Variants in SGMS2 observed in about 807,000 individuals in gnomAD.
SGMS2 encodes the protein sphingomyelin synthase 2.
SGMS2 carries 21 observed loss-of-function variants against 43.8 expected under a neutral mutation model. The observed-to-expected ratio is 0.48, with a 90% confidence interval of 0.34 to 0.69. The LOEUF (loss-of-function observed/expected upper bound fraction) is 0.69. Among genes scored for constraint, SGMS2 ranks in the 30% least tolerant of loss-of-function variants. SGMS2 has a pLI of 0.01. For synonymous variants in SGMS2, 167 were observed against 160.6 expected (o/e 1.04, Z -0.30); for missense variants, 384 against 443.2 (o/e 0.87, Z 1.20).
chr4:107,869,895 G>T (rs1728428961), intron 2 of SGMS2, among the ~76,000 whole-genome samples: 1 of 152,132 alleles, frequency 6.6e-6, no homozygotes, highest in Non-Finnish European at 1.5e-5. Flanking sequence ...GGGTCATAGG[G>T]AGCCATTTAA....
chr4:107,877,382 C>T (rs1728989011), intron 2 of SGMS2, among the ~76,000 whole-genome samples: 1 of 152,010 alleles, frequency 6.6e-6, no homozygotes, highest in Non-Finnish European at 1.5e-5. Context: ...TAAATTAAAC[C>T]CTGAGGTATT....
intron 2 of SGMS2, among the ~76,000 whole-genome samples, chr4:107,880,919 A>G (rs1729288894): frequency 6.6e-6 from 1 of 151,976 alleles, no homozygotes; most frequent in South Asian, 2.1e-4. Flanking sequence ...GGTATTTAGG[A>G]AAAACTTTAT....
At chr4:107,907,428 A>G (rs1237723870) in intron 5 of SGMS2, 2 of 152,240 alleles carry the variant, frequency 1.3e-5, no homozygotes, top group African/African-American at 2.4e-5. Context: ...CCTGGCCAAC[A>G]TGGTGAAACC....
intron 1 of SGMS2, among the ~76,000 whole-genome samples, chr4:107,832,581 T>C (rs1268841356): frequency 6.6e-6 from 1 of 152,250 alleles, no homozygotes; most frequent in Admixed American, 6.5e-5. Flanking sequence ...TTGTGGAATC[T>C]AGCATGTTTC....
intron 3 of SGMS2, among the ~76,000 whole-genome samples, chr4:107,898,420 A>G (rs1730849458): frequency 6.6e-6 from 1 of 152,214 alleles, no homozygotes; most frequent in Admixed American, 6.5e-5. Flanking sequence ...TCTTAGGGAA[A>G]ACTTAAAATA....
intron 2 of SGMS2, among the ~76,000 whole-genome samples, chr4:107,877,745 C>G (rs1439257204): frequency 6.6e-6 from 1 of 152,046 alleles, no homozygotes; most frequent in Non-Finnish European, 1.5e-5. Flanking sequence ...ATAGGGACTT[C>G]CTTTGTTCAT....
Position 107,908,647 on chromosome 4 carries a change from C to T in SGMS2, c.810C>T (p.His270=), listed in dbSNP as rs1182189065. Residue 270 remains histidine, a synonymous_variant, in exon 6 of 7, where the codon CAC becomes CAT. Transcript: ENST00000690982. ...AAGIICILVA[H]EHYTIDVIIA... is the part of the protein sequence containing the mutation. The stretch of plus-strand genomic sequence containing the variant: ...GGATCATCTGCATTCTTGTAGCACA[C>T]GAACACTACACTATCGATGTGATCA... The T allele has an allele frequency of 5.6e-6, 9 of 1,613,718 alleles. No individual in the cohort carries two copies. Among genetic ancestry groups the T allele is most frequent in the South Asian group, 2.2e-5 (2 of 91,078 alleles).
At chr4:107,839,139 T>C (rs911356278) in intron 1 of SGMS2, among the ~76,000 whole-genome samples, 14 of 152,166 alleles carry the variant, frequency 9.2e-5, no homozygotes, top group Non-Finnish European at 8.8e-5. Context: ...AACTCCATCT[T>C]TCCCCCACCT....
intron 3 of SGMS2, among the ~76,000 whole-genome samples, chr4:107,898,231 C>T (rs1050593048): frequency 6.7e-6 from 1 of 150,144 alleles, no homozygotes; most frequent in Non-Finnish European, 1.5e-5. Context: ...AATAAATACT[C>T]TCATCTACTA....
chr4:107,844,874 C>A (rs1387233126), intron 1 of SGMS2, among the ~76,000 whole-genome samples: 1 of 151,998 alleles, frequency 6.6e-6, no homozygotes, highest in Admixed American at 6.5e-5. Context: ...CTTTCAGGTG[C>A]TGATTGATGT....
chr4:107,851,477 A>G (rs73838247), intron 1 of SGMS2, among the ~76,000 whole-genome samples: 6,220 of 152,240 alleles, frequency 0.041, 408 homozygotes, highest in African/African-American at 0.14. Flanking sequence ...TAGAAAGCTG[A>G]AGGGCACTGC....
intron 1 of SGMS2, among the ~76,000 whole-genome samples, chr4:107,847,558 G>A (rs1161934182): frequency 1.3e-5 from 2 of 152,002 alleles, no homozygotes; most frequent in Non-Finnish European, 2.9e-5. Flanking sequence ...GATGCCTCCA[G>A]CTTTGTTCTT....
intron 1 of SGMS2, among the ~76,000 whole-genome samples, chr4:107,855,714 A>G (rs1727384565): frequency 6.6e-6 from 1 of 152,134 alleles, no homozygotes; most frequent in South Asian, 2.1e-4. Context: ...TTTGGTCTAG[A>G]GTATAGTTTA....
intron 2 of SGMS2, among the ~76,000 whole-genome samples, chr4:107,869,826 T>A (rs1728421749): frequency 2.0e-5 from 3 of 152,174 alleles, no homozygotes; most frequent in Non-Finnish European, 4.4e-5. Flanking sequence ...CTACTTTCAT[T>A]ATGTTTGAGA....
intron 1 of SGMS2, among the ~76,000 whole-genome samples, chr4:107,831,494 G>C (rs1725889589): frequency 6.6e-6 from 1 of 152,126 alleles, no homozygotes; most frequent in African/African-American, 2.4e-5. Context: ...CGAATTACAT[G>C]GCTCCCTGTG....
intron 1 of SGMS2, among the ~76,000 whole-genome samples, chr4:107,852,354 T>A (rs1008315463): frequency 2.6e-5 from 4 of 152,076 alleles, no homozygotes; most frequent in African/African-American, 9.7e-5. Context: ...AATAATTTTT[T>A]AAAAAAGAAT....
chr4:107,893,664 A>T (rs1364593121), intron 2 of SGMS2: 2 of 152,188 alleles, frequency 1.3e-5, no homozygotes, highest in Admixed American at 6.6e-5. Context: ...GAAAGGTGAG[A>T]TGTTTATAAT....
At chr4:107,891,568 T>G (rs1457381255) in intron 2 of SGMS2, among the ~76,000 whole-genome samples, 4 of 151,674 alleles carry the variant, frequency 2.6e-5, no homozygotes, top group Non-Finnish European at 5.9e-5. Context: ...ACACAAGGAG[T>G]GAGGTTAAAA....
At chr4:107,845,166 A>G (rs1726743394) in intron 1 of SGMS2, among the ~76,000 whole-genome samples, 1 of 152,140 alleles carries the variant, frequency 6.6e-6, no homozygotes. Context: ...CTCCCTAGAG[A>G]TGGAGTCTTT....
Sources: gnomAD v4.1 joint callset for allele counts (sites outside exome capture counted in the v4.1 genomes callset) on GRCh38, gnomAD v4.1.1 for gene constraint, MANE v1.5 for transcripts, NCBI Gene and HGNC (gene_info 2026-07-23, HGNC 2026-07-21) for gene names.